SH3RF2: variants seen among roughly 807,000 people sequenced by gnomAD.
SH3RF2 encodes SH3 domain containing ring finger 2, also known as E3 ubiquitin-protein ligase SH3RF2.
A neutral mutation model predicts 59.0 loss-of-function variants in SH3RF2; 43 were observed. The ratio of observed to expected loss-of-function variants is 0.73; its 90% CI spans 0.57 to 0.94. SH3RF2 has a LOEUF of 0.94. Among genes scored for constraint, SH3RF2 ranks in the 40% least tolerant of loss-of-function variants. SH3RF2 has a pLI of 0.00. For synonymous variants in SH3RF2, 391 were observed against 391.5 expected, an observed-to-expected ratio of 1.00 and a Z score of 0.01; for missense variants, 930 against 940.1, an observed-to-expected ratio of 0.99 and a Z score of 0.14.
At chr5:146,040,559 G>T (rs1016623214) in intron 5 of SH3RF2, among the ~76,000 whole-genome samples, 8 of 152,082 alleles carry the variant, frequency 5.3e-5, no homozygotes, top group Non-Finnish European at 1.2e-4. Context: ...TCCAAATTTT[G>T]ATGACTACTT....
Position 146,074,036 on chromosome 5 carries a change from C to CTT in SH3RF2, c.*34-4404_*34-4403dup, listed in dbSNP as rs70998053. On this transcript the variant is annotated intron_variant, in intron 9 of 9. Coordinates refer to the SH3RF2 transcript ENST00000511217. The stretch of plus-strand genomic sequence containing the variant: ...CCATGGGGTAGGTTTCATTAACACT[C>CTT]TTTTTTTTTTTTTTTTTTTTTGAGA... Among the ~76,000 whole-genome samples the CTT allele has an allele frequency of 2.3e-3, 272 of 117,156 alleles. 1 individual carries two copies. Among genetic ancestry groups the CTT allele is most frequent in the East Asian group, 3.4e-3 (15 of 4,456 alleles). The allele number at this position is 117,156 out of a possible 152,430, so 76.9% of individuals were successfully genotyped here.
At chr5:145,941,289 G>T (rs1438159472) in intron 2 of SH3RF2, among the ~76,000 whole-genome samples, 1 of 152,160 alleles carries the variant, frequency 6.6e-6, no homozygotes. Context: ...GTGTTCTAGG[G>T]TGGAACCAAT....
chr5:146,044,133 GTTTTTGTTTTTTTTTGTTTTTTTT>G (rs1473049769), intron 5 of SH3RF2, among the ~76,000 whole-genome samples: 1 of 150,520 alleles, frequency 6.6e-6, no homozygotes, highest in Non-Finnish European at 1.5e-5. Context: ...TGATTGGTCC[GTTTTTGTTTTTTTTTGTTTTTTTT>G]TTTTTGTTTT....
chr5:146,057,816 G>T (rs547291649), intron 8 of SH3RF2, among the ~76,000 whole-genome samples: 1 of 152,250 alleles, frequency 6.6e-6, no homozygotes, highest in South Asian at 2.1e-4. Flanking sequence ...GGTGGCACTT[G>T]CCTGTGGTCT....
intron 9 of SH3RF2, among the ~76,000 whole-genome samples, chr5:146,071,336 G>A (rs73313950): frequency 0.017 from 2,639 of 152,270 alleles, 73 homozygotes; most frequent in African/African-American, 0.061. Context: ...TGCATTGCAC[G>A]AAGAGGACAT....
chr5:146,069,345 T>C (rs956421435), intron 9 of SH3RF2, among the ~76,000 whole-genome samples: 1 of 152,150 alleles, frequency 6.6e-6, no homozygotes, highest in Admixed American at 6.5e-5. Flanking sequence ...GAAATACAGG[T>C]TGTGGCCATG....
chr5:146,017,849 A>G (rs1185773384), intron 5 of SH3RF2, among the ~76,000 whole-genome samples: 1 of 150,984 alleles, frequency 6.6e-6, no homozygotes, highest in African/African-American at 2.4e-5. Flanking sequence ...AACCCCATCC[A>G]TACTTCCAGT....
intron 2 of SH3RF2, among the ~76,000 whole-genome samples, chr5:145,944,155 T>C (rs1757924898): frequency 6.6e-6 from 1 of 152,148 alleles, no homozygotes; most frequent in Non-Finnish European, 1.5e-5. Flanking sequence ...AGTGCTGACA[T>C]GAGGCTTAAA....
chr5:145,975,050 A>C (rs6874121), intron 2 of SH3RF2, among the ~76,000 whole-genome samples: 1 of 152,086 alleles, frequency 6.6e-6, no homozygotes, highest in South Asian at 2.1e-4. Flanking sequence ...CAGCCAAGCT[A>C]TGTCCAGAAC....
intron 5 of SH3RF2, among the ~76,000 whole-genome samples, chr5:146,021,769 C>T (rs1326496474): frequency 2.0e-5 from 3 of 152,116 alleles, no homozygotes; most frequent in Non-Finnish European, 4.4e-5. Flanking sequence ...CCCAGAGATA[C>T]AGTGTTGTAC....
In SH3RF2 at chr5:146,056,087, C is replaced by A. The variant is rs747200346; in HGVS notation, c.1429C>A (p.Arg477=). 1.2e-6 allele frequency: 2 copies of A among 1,614,242 alleles called. No individual in the cohort carries two copies. Among genetic ancestry groups the A allele is most frequent in the East Asian group, 4.5e-5 (2 of 44,884 alleles). Residue 477 remains arginine, a synonymous_variant, in exon 8 of 10, where the codon CGG becomes AGG. Coordinates refer to ENST00000359120, the MANE Select transcript of SH3RF2 (RefSeq NM_152550.4). The part of the protein sequence containing the change: ...SQGSISEGDP[R]QSRPFKSVFV... ...AGGCAGCATTTCAGAAGGTGATCCA[C>A]GGCAAAGCCGTCCCTTCAAATCCGT...
intron 2 of SH3RF2, among the ~76,000 whole-genome samples, chr5:145,979,146 G>C (rs1325393117): frequency 6.6e-6 from 1 of 152,140 alleles, no homozygotes; most frequent in African/African-American, 2.4e-5. Flanking sequence ...TAGAACAATA[G>C]TTCCCAAAGT....
chr5:146,064,859 A>AGAAG (rs1561773936), downstream of SH3RF2, among the ~76,000 whole-genome samples: 1 of 27,798 alleles, frequency 3.6e-5, no homozygotes, highest in Non-Finnish European at 1.3e-4. Context: ...AAAGAAAGAA[A>AGAAG]GAAAGAGAAA....
intron 2 of SH3RF2, among the ~76,000 whole-genome samples, chr5:145,958,296 G>A (rs940152584): frequency 6.6e-5 from 10 of 152,162 alleles, no homozygotes; most frequent in Admixed American, 1.3e-4. Context: ...ATCATTAGTT[G>A]TTCCAGAGTC....
chr5:145,997,781 CT>C (rs1365047176), intron 2 of SH3RF2: 2 of 1,564,570 alleles, frequency 1.3e-6, no homozygotes, highest in African/African-American at 1.4e-5. Flanking sequence ...GAGTCACTCC[CT>C]AAACCTAAAG....
At chr5:146,057,361 C>G (rs562632836) in intron 8 of SH3RF2, among the ~76,000 whole-genome samples, 2 of 152,250 alleles carry the variant, frequency 1.3e-5, no homozygotes, top group African/African-American at 4.8e-5. Flanking sequence ...CACCTCTCCC[C>G]ACAACACACA....
chr5:145,955,483 T>C (rs1398858023), intron 2 of SH3RF2, among the ~76,000 whole-genome samples: 1 of 152,162 alleles, frequency 6.6e-6, no homozygotes, highest in East Asian at 1.9e-4. Flanking sequence ...GACAGGATCA[T>C]TCGCGCCCTA....
At chr5:145,941,259 G>A (rs1757802865) in intron 2 of SH3RF2, among the ~76,000 whole-genome samples, 1 of 152,216 alleles carries the variant, frequency 6.6e-6, no homozygotes, top group South Asian at 2.1e-4. Flanking sequence ...AAAGAGGCCT[G>A]ATGCTTCCTG....
chr5:146,064,469 T>G (rs1420309024), downstream of SH3RF2, among the ~76,000 whole-genome samples: 2 of 151,258 alleles, frequency 1.3e-5, no homozygotes, highest in East Asian at 3.9e-4. Flanking sequence ...TGTTGTGATT[T>G]AACATTTATT....
Sources: allele counts gnomAD v4.1 joint callset (sites outside exome capture counted in the v4.1 genomes callset), GRCh38; gene constraint gnomAD v4.1.1; transcripts MANE v1.5; gene names NCBI Gene and HGNC (gene_info 2026-07-23, HGNC 2026-07-21).